The following RGS8 variants were observed in gnomAD, a reference collection of about 807,000 sequenced individuals.
RGS8 encodes regulator of G-protein signaling 8.
RGS8 carries 8 observed loss-of-function variants against 21.7 expected under a neutral mutation model. The ratio of observed to expected loss-of-function variants is 0.37; its 90% CI spans 0.22 to 0.66. The LOEUF is 0.66. Ranked by LOEUF, RGS8 falls within the 30% of genes least tolerant of loss-of-function variation. The pLI, the probability that RGS8 is intolerant of heterozygous loss-of-function variation, is 0.59. For missense variants in RGS8, 157 were observed against 217.9 expected (o/e 0.72, Z 1.76); for synonymous variants, 80 against 83.6 (o/e 0.96, Z 0.24).
chr1:182,688,182 G>A (rs549981319), upstream of RGS8, among the ~76,000 whole-genome samples: 6 of 152,302 alleles, frequency 3.9e-5, no homozygotes, highest in South Asian at 1.0e-3. Flanking sequence ...GTATAAGAAA[G>A]GTATACCACC....
At chr1:182,668,100 C>T (rs527419448) in intron 3 of RGS8, among the ~76,000 whole-genome samples, 2 of 152,352 alleles carry the variant, frequency 1.3e-5, no homozygotes, top group African/African-American at 4.8e-5. Context: ...TTGTCTAAAG[C>T]TGCTTTCAAC....
At chr1:182,726,460 C>T in the RGS8 span, among the ~76,000 whole-genome samples, 2 of 152,096 alleles carry the variant, frequency 1.3e-5, no homozygotes, top group Non-Finnish European at 2.9e-5. Context: ...CATCTGATGT[C>T]GGGAGTTGGA....
the RGS8 span, among the ~76,000 whole-genome samples, chr1:182,751,254 T>G: frequency 1.3e-5 from 2 of 152,128 alleles, no homozygotes; most frequent in Non-Finnish European, 2.9e-5. Context: ...GAGCCAAGAA[T>G]TGGCATGATT....
the RGS8 span, among the ~76,000 whole-genome samples, chr1:182,710,216 G>A: frequency 0.53 from 80,338 of 152,042 alleles, 22,106 homozygotes; most frequent in African/African-American, 0.71. Flanking sequence ...AAGGTCCCCT[G>A]GCCAAACATC....
chr1:182,699,668 C>T, the RGS8 span, among the ~76,000 whole-genome samples: 93 of 152,270 alleles, frequency 6.1e-4, no homozygotes, highest in African/African-American at 2.2e-3. Flanking sequence ...CTTAAGAATC[C>T]GAGGGGATTC....
upstream of RGS8, among the ~76,000 whole-genome samples, chr1:182,675,721 C>G (rs144314401): frequency 2.3e-4 from 35 of 152,234 alleles, no homozygotes; most frequent in Non-Finnish European, 3.1e-4. Flanking sequence ...CTTTCCAAAC[C>G]TTTTTCAGAA....
At chr1:182,732,301 A>ACACACACACACCCC in the RGS8 span, among the ~76,000 whole-genome samples, 2 of 150,538 alleles carry the variant, frequency 1.3e-5, no homozygotes, top group African/African-American at 4.9e-5. Flanking sequence ...ACACACACAC[A>ACACACACACACCCC]CCCACTGTAG....
chr1:182,682,166 T>G (rs1051203210), intron 1 of RGS8, among the ~76,000 whole-genome samples: 1 of 152,230 alleles, frequency 6.6e-6, no homozygotes, highest in Non-Finnish European at 1.5e-5. Flanking sequence ...TAACAAAACT[T>G]ACATTTGTAT....
chr1:182,680,981 C>T (rs1219377474), intron 1 of RGS8, among the ~76,000 whole-genome samples: 2 of 152,220 alleles, frequency 1.3e-5, no homozygotes, highest in Non-Finnish European at 2.9e-5. Flanking sequence ...TAGGACCTTG[C>T]CTTCTCATCT....
At chr1:182,675,928 A>T (rs376063550), upstream of RGS8, among the ~76,000 whole-genome samples, 4 of 152,170 alleles carry the variant, frequency 2.6e-5, no homozygotes, top group Admixed American at 1.3e-4. Flanking sequence ...CACAGAGAGC[A>T]GGTGTTGAGT....
upstream of RGS8, among the ~76,000 whole-genome samples, chr1:182,687,228 A>T (rs1012644602): frequency 1.3e-5 from 2 of 152,020 alleles, no homozygotes; most frequent in African/African-American, 4.8e-5. Flanking sequence ...TCCCCCAAAG[A>T]TGGGGTCTCA....
At chr1:182,665,226 C>T (rs1045168938) in intron 5 of RGS8, among the ~76,000 whole-genome samples, 3 of 152,166 alleles carry the variant, frequency 2.0e-5, no homozygotes, top group African/African-American at 7.2e-5. Context: ...CTCTGCCTTG[C>T]CCAGGTATTA....
At chr1:182,720,321 G>A in the RGS8 span, among the ~76,000 whole-genome samples, 194 of 152,242 alleles carry the variant, frequency 1.3e-3, no homozygotes, top group Non-Finnish European at 2.2e-3. Context: ...GATAGCAGTG[G>A]ACTACATGGT....
upstream of RGS8, among the ~76,000 whole-genome samples, chr1:182,687,228 A>G (rs1012644602): frequency 1.3e-5 from 2 of 152,020 alleles, no homozygotes; most frequent in African/African-American, 4.8e-5. Context: ...TCCCCCAAAG[A>G]TGGGGTCTCA....
rs779008412 is a variant in RGS8, at chr1:182,666,984, C to A, written c.27-11G>T. ...CTCATCCCTTTGTTCCTGCAACAAG[C>A]ACAGGGGCAGAAGGACGGGGAAACT... On this transcript the variant is annotated splice_polypyrimidine_tract_variant and intron_variant, in intron 3 of 6. Transcript: ENST00000483095. 1.9e-5 allele frequency: 30 copies of A among 1,603,084 alleles called. No homozygotes were observed. Among genetic ancestry groups the A allele is most frequent in the Non-Finnish European group, 2.5e-5 (29 of 1,170,176 alleles).
At chr1:182,720,852 CAT>C in the RGS8 span, among the ~76,000 whole-genome samples, 24 of 146,872 alleles carry the variant, frequency 1.6e-4, no homozygotes, top group East Asian at 1.4e-3. Context: ...TGTGTGTATA[CAT>C]ATATATACAT....
chr1:182,718,984 T>C, the RGS8 span, among the ~76,000 whole-genome samples: 5 of 152,160 alleles, frequency 3.3e-5, no homozygotes, highest in Non-Finnish European at 5.9e-5. Context: ...GACACCTTTT[T>C]CCCAAATAAC....
the RGS8 span, among the ~76,000 whole-genome samples, chr1:182,703,351 T>G: frequency 6.6e-6 from 1 of 152,184 alleles, no homozygotes; most frequent in African/African-American, 2.4e-5. Flanking sequence ...AATAACAAAC[T>G]GCTCTGACCC....
At chr1:182,663,483 G>A (rs1478749721) in intron 5 of RGS8, among the ~76,000 whole-genome samples, 1 of 152,120 alleles carries the variant, frequency 6.6e-6, no homozygotes, top group East Asian at 1.9e-4. Context: ...AGTTCAAAAA[G>A]CCTATTTCTG....
Sources: allele counts gnomAD v4.1 joint callset (sites outside exome capture counted in the v4.1 genomes callset), GRCh38; gene constraint gnomAD v4.1.1; transcripts MANE v1.5; gene names NCBI Gene and HGNC (gene_info 2026-07-23, HGNC 2026-07-21).